ADAMTS17: variants seen among roughly 807,000 people sequenced by gnomAD.
The protein encoded by ADAMTS17 is A disintegrin and metalloproteinase with thrombospondin motifs 17.
ADAMTS17 carries 113 observed loss-of-function variants against 141.5 expected under a neutral mutation model. The observed-to-expected ratio is 0.80, with a 90% CI of 0.69 to 0.93. The LOEUF (loss-of-function observed/expected upper bound fraction) is 0.93, where lower values mean the gene tolerates loss of function less well. ADAMTS17 is among the 40% of genes least tolerant of loss of function. The pLI is 0.00. For missense variants in ADAMTS17, 1,659 were observed against 1,517.9 expected, an observed-to-expected ratio of 1.09 and a Z score of -1.54; for synonymous variants, 768 against 630.6, an observed-to-expected ratio of 1.22 and a Z score of -3.27.
chr15:99,992,746 G>A (rs1244094856), intron 20 of ADAMTS17, among the ~76,000 whole-genome samples: 1 of 152,240 alleles, frequency 6.6e-6, no homozygotes, highest in Non-Finnish European at 1.5e-5. Flanking sequence ...AGCATGGCAA[G>A]CCTGGCATCC....
At chr15:100,050,802 C>T (rs1306591129) in intron 17 of ADAMTS17, among the ~76,000 whole-genome samples, 1 of 152,182 alleles carries the variant, frequency 6.6e-6, no homozygotes, top group Non-Finnish European at 1.5e-5. Flanking sequence ...AAAATCCACC[C>T]ACCCTGTGTT....
At chr15:100,056,757 G>A (rs187761782) in intron 15 of ADAMTS17, among the ~76,000 whole-genome samples, 1 of 152,194 alleles carries the variant, frequency 6.6e-6, no homozygotes, top group African/African-American at 2.4e-5. Flanking sequence ...TAAGTTGGGG[G>A]AACAGCAGAT....
intron 20 of ADAMTS17, among the ~76,000 whole-genome samples, chr15:99,982,993 T>C (rs1232725519): frequency 6.6e-6 from 1 of 152,238 alleles, no homozygotes. Flanking sequence ...TTTACTCATG[T>C]GCTTTTTTTG....
chr15:100,206,539 A>G (rs540765982), intron 7 of ADAMTS17, among the ~76,000 whole-genome samples: 1 of 152,354 alleles, frequency 6.6e-6, no homozygotes, highest in East Asian at 1.9e-4. Flanking sequence ...CTTCAGTGAC[A>G]GCTTTCAGCC....
Position 100,341,226 on chromosome 15 carries a change from A to G in ADAMTS17, c.263T>C (p.Phe88Ser). ...ERALLLHLPAFGRDLYLQLRR... is the reference protein window; with the variant it reads ...ERALLLHLPASGRDLYLQLRR... The stretch of plus-strand genomic sequence containing the variant: ...CAGCTGAAGGTACAGGTCGCGCCCG[A>G]AGGCCGGCAGGTGCAGCAGCAGGGC... Residue 88 changes from phenylalanine to serine, a missense_variant, in exon 2 of 22, where the codon TTC becomes TCC. Phe to Ser is a radical substitution (Grantham distance 155). Transcript: ENST00000268070. 1 of 1,434,392 alleles carries G rather than the reference A, an allele frequency of 7.0e-7. No homozygotes were observed. The highest frequency in any genetic ancestry group is 2.4e-5 in the Admixed American group (1 of 40,828). The allele number at this position is 1,434,392 out of a possible 1,614,324, so 88.9% of individuals were successfully genotyped here. A position where few individuals can be genotyped will look rare whatever the true frequency, so the allele number is the denominator to read the frequency against.
chr15:100,144,481 C>G (rs937168525), intron 10 of ADAMTS17, among the ~76,000 whole-genome samples: 1 of 151,654 alleles, frequency 6.6e-6, no homozygotes, highest in African/African-American at 2.4e-5. Flanking sequence ...ATCTGGGAGG[C>G]GGATATCGCA....
intron 18 of ADAMTS17, among the ~76,000 whole-genome samples, chr15:100,047,536 G>T (rs1485113617): frequency 6.6e-6 from 1 of 151,622 alleles, no homozygotes; most frequent in Non-Finnish European, 1.5e-5. Flanking sequence ...CAAGCCAGCC[G>T]ACGCTTAGGG....
At chr15:100,301,363 T>C (rs2045028562) in intron 3 of ADAMTS17, among the ~76,000 whole-genome samples, 1 of 151,832 alleles carries the variant, frequency 6.6e-6, no homozygotes. Context: ...GAGTCTCTGT[T>C]GCCCAGGCTG....
At chr15:100,261,001 AAGAAAAAAATGATAT>A (rs1450426266) in intron 6 of ADAMTS17, among the ~76,000 whole-genome samples, 4 of 152,162 alleles carry the variant, frequency 2.6e-5, no homozygotes, top group Admixed American at 1.3e-4. Flanking sequence ...TTGAAAACAT[AAGAAAAAAATGATAT>A]AGCCACATCG....
At chr15:100,050,518 G>A (rs1311707026) in intron 17 of ADAMTS17, among the ~76,000 whole-genome samples, 1 of 152,238 alleles carries the variant, frequency 6.6e-6, no homozygotes, top group African/African-American at 2.4e-5. Flanking sequence ...TGCAGGAATA[G>A]GCTAAGCACA....
Position 99,997,867 on chromosome 15 carries a change from G to A in ADAMTS17, c.2592-278C>T, listed in dbSNP as rs1424296825. ...TTATCTGGTCACGGCCTCCCTGTAG[G>A]GAATTACGTATCTGCTTGTCGTCAT... On this transcript the variant is annotated intron_variant, in intron 18 of 21. Coordinates refer to ENST00000268070, the MANE Select transcript of ADAMTS17 (RefSeq NM_139057.4). This position sits in a 1 kb window ranked among gnomAD's most constrained non-coding sequence, Gnocchi z 4.7. 6.6e-6 allele frequency among the ~76,000 whole-genome samples: 1 copy of A among 152,118 alleles called. No homozygotes were observed. Among genetic ancestry groups the A allele is most frequent in the African/African-American group, 2.4e-5 (1 of 41,442 alleles).
At chr15:100,188,684 G>T (rs961960790) in intron 8 of ADAMTS17, among the ~76,000 whole-genome samples, 2 of 152,172 alleles carry the variant, frequency 1.3e-5, no homozygotes, top group Non-Finnish European at 2.9e-5. Context: ...TGACAGGTAG[G>T]ATCAGTGGTG....
intron 8 of ADAMTS17, among the ~76,000 whole-genome samples, chr15:100,190,647 A>G (rs1028311808): frequency 1.3e-5 from 2 of 152,224 alleles, no homozygotes; most frequent in African/African-American, 4.8e-5. Flanking sequence ...CTTGGTTTCA[A>G]GTTGTCCACT....
At chr15:100,222,375 C>T (rs2141795870) in intron 7 of ADAMTS17, among the ~76,000 whole-genome samples, 1 of 152,296 alleles carries the variant, frequency 6.6e-6, no homozygotes, top group Non-Finnish European at 1.5e-5. Flanking sequence ...GGGGCCACAG[C>T]ACGTCTGAAC....
chr15:100,304,235 C>CGG (rs1283579826), intron 3 of ADAMTS17, among the ~76,000 whole-genome samples: 18 of 152,096 alleles, frequency 1.2e-4, no homozygotes, highest in African/African-American at 4.4e-4. Flanking sequence ...CCTTAGGGCA[C>CGG]AACCCCTTCT....
At chr15:100,136,890 A>T (rs1293709475) in intron 10 of ADAMTS17, among the ~76,000 whole-genome samples, 1 of 152,218 alleles carries the variant, frequency 6.6e-6, no homozygotes, top group Non-Finnish European at 1.5e-5. Context: ...TTGGGTAGCC[A>T]GCACAGATAA....
chr15:100,100,535 T>A (rs2036032728), intron 14 of ADAMTS17, among the ~76,000 whole-genome samples: 1 of 152,202 alleles, frequency 6.6e-6, no homozygotes, highest in African/African-American at 2.4e-5. Flanking sequence ...GTCTTGGAAC[T>A]GACAGACAGG....
chr15:100,149,881 GCA>G (rs2039082497), intron 10 of ADAMTS17, among the ~76,000 whole-genome samples: 1 of 152,188 alleles, frequency 6.6e-6, no homozygotes, highest in African/African-American at 2.4e-5. Flanking sequence ...TCTCCAGTGT[GCA>G]CAGTCACTGC....
chr15:100,024,667 G>A (rs1215520126), intron 18 of ADAMTS17, among the ~76,000 whole-genome samples: 1 of 152,160 alleles, frequency 6.6e-6, no homozygotes, highest in Non-Finnish European at 1.5e-5. Flanking sequence ...CATTTGTGAA[G>A]GCTTTACATT....
Sources: allele counts gnomAD v4.1 joint callset (sites outside exome capture counted in the v4.1 genomes callset), GRCh38; gene constraint gnomAD v4.1.1; non-coding constraint Gnocchi (gnomAD v3.1); transcripts MANE v1.5; gene names NCBI Gene and HGNC (gene_info 2026-07-23, HGNC 2026-07-21).